Variants in WDPCP observed in about 807,000 individuals in gnomAD.
WDPCP encodes WD repeat containing planar cell polarity effector.
WDPCP carries 71 observed loss-of-function variants against 93.1 expected under a neutral mutation model. That is an observed-to-expected ratio of 0.76 (90% confidence interval 0.63 to 0.93). WDPCP has a LOEUF of 0.93. Ranked by LOEUF, WDPCP falls within the 40% of genes least tolerant of loss-of-function variation. The probability of loss-of-function intolerance (pLI) is 0.00; values close to 1 mark genes in which losing one functional copy is unlikely to be tolerated. For missense variants in WDPCP, 844 were observed against 887.4 expected (o/e 0.95, Z 0.62); for synonymous variants, 315 against 315.0 (o/e 1.00, Z 0.00).
intron 1 of WDPCP, among the ~76,000 whole-genome samples, chr2:63,822,857 T>C (rs1575782564): frequency 6.6e-6 from 1 of 151,204 alleles, no homozygotes; most frequent in Non-Finnish European, 1.5e-5. Flanking sequence ...TCTCTAAATA[T>C]ATATATATAT....
chr2:63,198,391 T>A (rs1391041452), intron 14 of WDPCP, among the ~76,000 whole-genome samples: 5 of 152,234 alleles, frequency 3.3e-5, no homozygotes, highest in Admixed American at 3.3e-4. Flanking sequence ...GATTTTTTTT[T>A]AATTGGCTTT....
chr2:63,585,649 ACT>A (rs1708792835), intron 1 of WDPCP, among the ~76,000 whole-genome samples: 1 of 152,116 alleles, frequency 6.6e-6, no homozygotes, highest in Admixed American at 6.5e-5. Context: ...ACATTATAGT[ACT>A]CTCTAAATAT....
chr2:63,561,254 G>A (rs772956912), intron 1 of WDPCP, among the ~76,000 whole-genome samples: 5 of 152,076 alleles, frequency 3.3e-5, no homozygotes, highest in African/African-American at 4.8e-5. Context: ...CGAGGTAGGC[G>A]GATCATGAGG....
chr2:63,445,961 A>G (rs1368891841), intron 6 of WDPCP, among the ~76,000 whole-genome samples: 1 of 152,180 alleles, frequency 6.6e-6, no homozygotes, highest in Non-Finnish European at 1.5e-5. Flanking sequence ...CCCAATCAGA[A>G]AGGTAAAGCA....
intron 2 of WDPCP, among the ~76,000 whole-genome samples, chr2:63,761,943 G>C (rs770679285): frequency 6.6e-6 from 1 of 152,048 alleles, no homozygotes; most frequent in Non-Finnish European, 1.5e-5. Context: ...TGGGGGTCTA[G>C]TTACTAATTC....
At chr2:63,692,325 G>C (rs1343964828) in intron 2 of WDPCP, among the ~76,000 whole-genome samples, 1 of 152,130 alleles carries the variant, frequency 6.6e-6, no homozygotes, top group East Asian at 1.9e-4. Context: ...GTGTATGAGA[G>C]AAACTGGAAT....
intron 2 of WDPCP, among the ~76,000 whole-genome samples, chr2:63,694,817 C>T (rs1668940826): frequency 6.6e-6 from 1 of 151,956 alleles, no homozygotes; most frequent in African/African-American, 2.4e-5. Context: ...TTTTTGAGAT[C>T]AACAACAAAT....
At chr2:63,674,090 G>A (rs749370167) in intron 2 of WDPCP, among the ~76,000 whole-genome samples, 7 of 152,180 alleles carry the variant, frequency 4.6e-5, no homozygotes, top group Non-Finnish European at 8.8e-5. Flanking sequence ...CTCTGGTTTC[G>A]AGGAGCCAAA....
intron 17 of WDPCP, among the ~76,000 whole-genome samples, chr2:63,146,467 C>A (rs979718773): frequency 6.9e-6 from 1 of 145,818 alleles, no homozygotes; most frequent in Non-Finnish European, 1.5e-5. Context: ...TGCAGTCGTG[C>A]AGTCTTAGCT....
intron 12 of WDPCP, among the ~76,000 whole-genome samples, chr2:63,338,565 AAAAAATATAT>A (rs1196934450): frequency 8.1e-3 from 321 of 39,812 alleles, no homozygotes; most frequent in Admixed American, 0.012. Context: ...AAAAAAAAAA[AAAAAATATAT>A]ATATATATAT....
chr2:63,588,130 G>T, intron 1 of WDPCP, 67 bp downstream of exon 1: 1 of 1,527,134 alleles, frequency 6.5e-7, no homozygotes, highest in East Asian at 2.5e-5. Flanking sequence ...AAAGCGGGAC[G>T]GCGCACCAAC....
At chr2:63,581,001 C>A (rs1473040387) in intron 1 of WDPCP, among the ~76,000 whole-genome samples, 1 of 151,872 alleles carries the variant, frequency 6.6e-6, no homozygotes, top group East Asian at 1.9e-4. Context: ...ACTGAGGGGG[C>A]CTTAGAAGTT....
intron 17 of WDPCP, among the ~76,000 whole-genome samples, chr2:63,147,047 A>G (rs1384887355): frequency 6.6e-6 from 1 of 152,248 alleles, no homozygotes; most frequent in Non-Finnish European, 1.5e-5. Context: ...TATAGTGCTC[A>G]AAGTGATATA....
intron 13 of WDPCP, among the ~76,000 whole-genome samples, chr2:63,309,447 AG>A (rs1476721090): frequency 2.6e-5 from 4 of 152,122 alleles, no homozygotes; most frequent in Non-Finnish European, 5.9e-5. Context: ...CATAAACCAA[AG>A]GGTTCAAGTC....
intron 12 of WDPCP, chr2:63,369,545 T>A: frequency 2.2e-6 from 1 of 456,154 alleles, no homozygotes. Context: ...ATACCTCAAC[T>A]AGAATTTGGG....
At chr2:63,471,569 A>G (rs1344453742) in intron 6 of WDPCP, among the ~76,000 whole-genome samples, 1 of 152,210 alleles carries the variant, frequency 6.6e-6, no homozygotes, top group South Asian at 2.1e-4. Context: ...TGATTTAGTC[A>G]TTACTTATTG....
intron 14 of WDPCP, among the ~76,000 whole-genome samples, chr2:63,210,302 CAT>C (rs1676670089): frequency 6.6e-6 from 1 of 151,830 alleles, no homozygotes; most frequent in Non-Finnish European, 1.5e-5. Context: ...AATTCTGAGC[CAT>C]GTGTGTATTT....
chr2:63,269,201 A>G (rs1264677591), intron 13 of WDPCP, among the ~76,000 whole-genome samples: 1 of 152,216 alleles, frequency 6.6e-6, no homozygotes, highest in Non-Finnish European at 1.5e-5. Context: ...TTAACTTATA[A>G]AAGTGTTACT....
intron 2 of WDPCP, among the ~76,000 whole-genome samples, chr2:63,740,911 T>C (rs1261623482): frequency 1.3e-5 from 2 of 152,198 alleles, no homozygotes; most frequent in Non-Finnish European, 1.5e-5. Context: ...ATGAGGAATA[T>C]ATAATTGCTT....
Sources: allele counts gnomAD v4.1 joint callset (sites outside exome capture counted in the v4.1 genomes callset), GRCh38; gene constraint gnomAD v4.1.1; transcripts MANE v1.5; gene names NCBI Gene and HGNC (gene_info 2026-07-23, HGNC 2026-07-21).